UBE2D3: variants seen among roughly 807,000 people sequenced by gnomAD.
UBE2D3 encodes ubiquitin conjugating enzyme E2 D3.
A neutral mutation model predicts 22.8 loss-of-function variants in UBE2D3; 2 were observed. The ratio of observed to expected loss-of-function variants is 0.09; its 90% CI spans 0.04 to 0.28. The LOEUF is 0.28. Ranked by LOEUF, UBE2D3 falls within the 10% of genes least tolerant of loss-of-function variation. The pLI is 1.00. For synonymous variants in UBE2D3, 56 were observed against 60.4 expected, an observed-to-expected ratio of 0.93 and a Z score of 0.34; for missense variants, 27 against 182.5, an observed-to-expected ratio of 0.15 and a Z score of 4.91.
At chr4:102,868,077 T>TTTC (rs1733248495) in intron 1 of UBE2D3, among the ~76,000 whole-genome samples, 1 of 145,708 alleles carries the variant, frequency 6.9e-6, no homozygotes, top group Non-Finnish European at 1.5e-5. Context: ...AGATTCTTTT[T>TTTC]TTTTTTTTTT....
chr4:102,823,628 T>C (rs1353733746), intron 2 of UBE2D3, among the ~76,000 whole-genome samples: 2 of 152,206 alleles, frequency 1.3e-5, no homozygotes, highest in African/African-American at 2.4e-5. Context: ...AGTGGTAAAA[T>C]TGTCTACAGC....
chr4:102,826,621 T>G lies in UBE2D3; in HGVS notation c.-113A>C. On this transcript the variant is annotated 5_prime_UTR_variant, in exon 2 of 8. Coordinates refer to ENST00000453744, the MANE Select transcript of UBE2D3 (RefSeq NM_181891.3). ...GGATTGTCTCGTCTCACACCAGCTCTGCCAGACACAGGCGCCTTTTGCAAA... is the reference window on the plus strand; with the variant it reads ...GGATTGTCTCGTCTCACACCAGCTCGGCCAGACACAGGCGCCTTTTGCAAA... The G allele has an allele frequency of 6.3e-7, 1 of 1,585,594 alleles. No individual in the cohort carries two copies. The highest frequency in any genetic ancestry group is 1.1e-5 in the South Asian group (1 of 90,288).
chr4:102,831,114 T>C (rs1177146057), upstream of UBE2D3, among the ~76,000 whole-genome samples: 1 of 152,228 alleles, frequency 6.6e-6, no homozygotes, highest in Non-Finnish European at 1.5e-5. Flanking sequence ...AGACACTGGC[T>C]CTAGTACAGT....
intron 1 of UBE2D3, among the ~76,000 whole-genome samples, chr4:102,865,517 A>G (rs1277897763): frequency 6.6e-6 from 1 of 151,466 alleles, no homozygotes; most frequent in Non-Finnish European, 1.5e-5. Context: ...AAAGACATAC[A>G]CTAGGAGAAG....
chr4:102,839,909 G>A (rs1415074620), intron 1 of UBE2D3, among the ~76,000 whole-genome samples: 1 of 152,198 alleles, frequency 6.6e-6, no homozygotes, highest in Non-Finnish European at 1.5e-5. Flanking sequence ...GACTAATGTT[G>A]AGAGTATACA....
chr4:102,805,290 T>C (rs1726851806), intron 4 of UBE2D3, among the ~76,000 whole-genome samples: 1 of 152,168 alleles, frequency 6.6e-6, no homozygotes, highest in Non-Finnish European at 1.5e-5. Context: ...TAAATTCTAT[T>C]ATGAATCAGC....
intron 1 of UBE2D3, among the ~76,000 whole-genome samples, chr4:102,834,726 A>G (rs1731297430): frequency 6.6e-6 from 1 of 150,956 alleles, no homozygotes; most frequent in Non-Finnish European, 1.5e-5. Context: ...TCCAGCCTGG[A>G]TGACAGAGTG....
intron 7 of UBE2D3, chr4:102,798,925 T>C (rs755041278): frequency 6.2e-7 from 1 of 1,611,820 alleles, no homozygotes; most frequent in Non-Finnish European, 8.5e-7. Flanking sequence ...CAGATCCTCT[T>C]ACCCTACAAC....
At chr4:102,868,674 C>T (rs757557824) in intron 1 of UBE2D3, 40 of 1,613,436 alleles carry the variant, frequency 2.5e-5, no homozygotes, top group Admixed American at 1.0e-4. Context: ...GGGGAAGAGG[C>T]GGGGCGAGAG....
intron 1 of UBE2D3, among the ~76,000 whole-genome samples, chr4:102,846,324 C>G (rs1220817817): frequency 6.6e-6 from 1 of 152,200 alleles, no homozygotes; most frequent in Non-Finnish European, 1.5e-5. Context: ...TTCTCCTCTA[C>G]AATATGCCCA....
chr4:102,819,844 G>A (rs1729320522), intron 2 of UBE2D3, among the ~76,000 whole-genome samples: 1 of 152,176 alleles, frequency 6.6e-6, no homozygotes, highest in Non-Finnish European at 1.5e-5. Context: ...AAAAGCTTAT[G>A]CCATTACTAA....
chr4:102,827,639 A>G (rs1331779032), upstream of UBE2D3: 2 of 986,578 alleles, frequency 2.0e-6, no homozygotes, highest in Non-Finnish European at 2.4e-6. Context: ...TCCCGAGCAC[A>G]AGACCGATGT....
At chr4:102,844,475 C>G (rs1489916926) in intron 1 of UBE2D3, among the ~76,000 whole-genome samples, 3 of 152,140 alleles carry the variant, frequency 2.0e-5, no homozygotes, top group African/African-American at 7.2e-5. Context: ...GTAGCACTTT[C>G]TACCATAATA....
chr4:102,833,010 AAAAT>A (rs1177016329), intron 1 of UBE2D3, among the ~76,000 whole-genome samples: 2 of 151,840 alleles, frequency 1.3e-5, no homozygotes, highest in African/African-American at 2.4e-5. Flanking sequence ...AAAAAAAAAA[AAAAT>A]GTTTATAGAA....
chr4:102,798,401 C>T (rs1452008974), intron 7 of UBE2D3, among the ~76,000 whole-genome samples: 1 of 151,042 alleles, frequency 6.6e-6, no homozygotes, highest in Non-Finnish European at 1.5e-5. Flanking sequence ...AAAGTTCTTT[C>T]TACCAATTCA....
chr4:102,845,072 AC>A (rs1364369748), intron 1 of UBE2D3, among the ~76,000 whole-genome samples: 1 of 147,560 alleles, frequency 6.8e-6, no homozygotes, highest in Non-Finnish European at 1.5e-5. Flanking sequence ...ATATGACGAA[AC>A]CCCATCTCTA....
At position 102,809,870 on chromosome 4, in the gene UBE2D3, A is replaced by C. The variant is rs770920381; in HGVS notation, c.25-15T>G. The C allele has an allele frequency of 4.0e-5, 64 of 1,611,644 alleles. No homozygotes were observed. The highest frequency in any genetic ancestry group is 5.1e-5 in the Non-Finnish European group (60 of 1,179,734). ...TCACTAAGTTCCTACACCAAGACAG[A>C]AAATGGGTGAGTCACATAAGCTTAA... On this transcript the variant is annotated splice_polypyrimidine_tract_variant and intron_variant, in intron 2 of 7. Transcript: ENST00000453744.
At chr4:102,828,752 G>A (rs1730933560), upstream of UBE2D3, among the ~76,000 whole-genome samples, 2 of 152,204 alleles carry the variant, frequency 1.3e-5, no homozygotes, top group South Asian at 4.1e-4. Flanking sequence ...AAGTTGGGAG[G>A]TGGGATTTAC....
chr4:102,860,003 T>A, intron 1 of UBE2D3, among the ~76,000 whole-genome samples: 1 of 151,850 alleles, frequency 6.6e-6, no homozygotes, highest in Middle Eastern at 3.2e-3. Context: ...CCACCACCAC[T>A]CCTGGCTAAT....
Sources: gnomAD v4.1 joint callset for allele counts (sites outside exome capture counted in the v4.1 genomes callset) on GRCh38, gnomAD v4.1.1 for gene constraint, MANE v1.5 for transcripts, NCBI Gene and HGNC (gene_info 2026-07-23, HGNC 2026-07-21) for gene names.